Variants in TMEM132B observed in about 807,000 individuals in gnomAD.
TMEM132B encodes transmembrane protein 132B.
In TMEM132B, 18 loss-of-function variants were observed where a neutral mutation model predicts 90.8. The observed-to-expected ratio is 0.20, with a 90% CI of 0.14 to 0.29. TMEM132B has a LOEUF of 0.29. Among genes scored for constraint, TMEM132B ranks in the 10% least tolerant of loss-of-function variants. TMEM132B has a pLI of 1.00. For synonymous variants in TMEM132B, 504 were observed against 523.3 expected, an observed-to-expected ratio of 0.96 and a Z score of 0.50; for missense variants, 1,096 against 1,326.8, an observed-to-expected ratio of 0.83 and a Z score of 2.70.
intron 1 of TMEM132B, among the ~76,000 whole-genome samples, chr12:125,324,663 G>C (rs1424847742): frequency 6.6e-6 from 1 of 152,164 alleles, no homozygotes; most frequent in Non-Finnish European, 1.5e-5. Flanking sequence ...CTGTGCATGC[G>C]AGGGACCTAG....
At chr12:125,636,502 G>A (rs937599073) in intron 5 of TMEM132B, among the ~76,000 whole-genome samples, 2 of 152,160 alleles carry the variant, frequency 1.3e-5, no homozygotes, top group African/African-American at 2.4e-5. Context: ...TTCTGATTAA[G>A]CATTAGGCTT....
intron 1 of TMEM132B, among the ~76,000 whole-genome samples, chr12:125,306,193 A>G (rs1294702092): frequency 3.9e-5 from 6 of 152,268 alleles, no homozygotes; most frequent in East Asian, 1.9e-4. Flanking sequence ...TAATTTTCCA[A>G]CCATGACTGG....
At chr12:125,387,937 A>C (rs1878891236) in intron 2 of TMEM132B, among the ~76,000 whole-genome samples, 2 of 152,216 alleles carry the variant, frequency 1.3e-5, no homozygotes, top group Admixed American at 1.3e-4. Flanking sequence ...TGGAATGATC[A>C]GAGTCTTTGA....
At chr12:125,229,052 C>T (rs1049046017) in intron 1 of TMEM132B, among the ~76,000 whole-genome samples, 2 of 152,188 alleles carry the variant, frequency 1.3e-5, no homozygotes, top group African/African-American at 4.8e-5. Context: ...GCCAGCACAC[C>T]GAGGAGGGCA....
chr12:125,651,533 A>C (rs892599157), intron 7 of TMEM132B, among the ~76,000 whole-genome samples: 10 of 152,222 alleles, frequency 6.6e-5, no homozygotes, highest in Admixed American at 5.2e-4. Flanking sequence ...ACTAAGTCAG[A>C]TTTTATTGTA....
chr12:125,614,731 A>C (rs987799103), intron 5 of TMEM132B, among the ~76,000 whole-genome samples: 1 of 152,172 alleles, frequency 6.6e-6, no homozygotes, highest in African/African-American at 2.4e-5. Flanking sequence ...AAAGAACTTA[A>C]AACAGAGCTA....
rs181426554 is a variant in TMEM132B at position 125,509,014 on chromosome 12, C to A, written c.1107-10425C>A. ...GCCCAGGCTGGTCTGGAACTCCTGG[C>A]CTTAAGTGACCCTCCCGCCTCGGCC... On this transcript the variant is annotated intron_variant, in intron 3 of 8. Transcript: ENST00000682704. Among the ~76,000 whole-genome samples the A allele has an allele frequency of 1.4e-4, 21 of 151,992 alleles. No individual in the cohort carries two copies. In the South Asian group the frequency reaches 2.5e-3, roughly 18 times the overall value.
In TMEM132B at chr12:125,415,775, C is replaced by G; in HGVS notation, c.1106+98C>G. 7.1e-7 allele frequency: 1 copy of G among 1,404,084 alleles called. No homozygotes were observed. Among genetic ancestry groups the G allele is most frequent in the Non-Finnish European group, 9.4e-7 (1 of 1,059,816 alleles). 87.0% of individuals were successfully genotyped at this position (1,404,084 alleles called of 1,614,324 possible). ...TAATGTGCGTGTGGATAAAGCGATG[C>G]CTCTGCGTTTAATGAGAAATGATTT... On this transcript the variant is annotated intron_variant, in intron 3 of 8. Coordinates refer to ENST00000682704, the MANE Select transcript of TMEM132B (RefSeq NM_001366854.1). This position sits in a 1 kb window ranked among gnomAD's most constrained non-coding sequence, Gnocchi z 5.3.
intron 2 of TMEM132B, among the ~76,000 whole-genome samples, chr12:125,382,241 A>G (rs527970598): frequency 6.6e-6 from 1 of 152,370 alleles, no homozygotes; most frequent in Non-Finnish European, 1.5e-5. Flanking sequence ...AAGTGCAGAC[A>G]AAAGTAGGAT....
At chr12:125,239,764 C>T (rs1874024036) in intron 1 of TMEM132B, among the ~76,000 whole-genome samples, 2 of 152,332 alleles carry the variant, frequency 1.3e-5, no homozygotes, top group South Asian at 4.1e-4. Flanking sequence ...AGGTGCCCGG[C>T]TTTCGCGAGA....
intron 3 of TMEM132B, among the ~76,000 whole-genome samples, chr12:125,513,576 C>T (rs568595718): frequency 6.6e-6 from 1 of 152,178 alleles, no homozygotes; most frequent in Admixed American, 6.5e-5. Context: ...TTGTTTAGCA[C>T]CTTGTGTTCA....
chr12:125,607,568 A>G lies in TMEM132B; in HGVS notation c.1437+23574A>G, dbSNP rs143876727. On this transcript the variant is annotated intron_variant, in intron 5 of 8. Transcript: ENST00000682704. ...ATGTGGGGACTCAAAGCATAGAGGT[A>G]TCCTCAGACCAAATTTAGTTTAACA... Among the ~76,000 whole-genome samples the G allele has an allele frequency of 4.2e-3, 634 of 152,356 alleles. 3 individuals carry two copies. The highest frequency in any genetic ancestry group is 0.013 in the African/African-American group (526 of 41,578).
chr12:125,477,096 A>C (rs923740266), intron 3 of TMEM132B, among the ~76,000 whole-genome samples: 1 of 152,196 alleles, frequency 6.6e-6, no homozygotes, highest in African/African-American at 2.4e-5. Flanking sequence ...ATTCTGATTT[A>C]ATACCAGTTC....
chr12:125,340,877 A>G (rs1183142267), intron 1 of TMEM132B, among the ~76,000 whole-genome samples: 1 of 152,250 alleles, frequency 6.6e-6, no homozygotes, highest in Admixed American at 6.5e-5. Flanking sequence ...GGAGCCCACC[A>G]GAGGAGGCAT....
At chr12:125,357,943 C>A (rs555444104) in intron 2 of TMEM132B, among the ~76,000 whole-genome samples, 162 of 152,344 alleles carry the variant, frequency 1.1e-3, no homozygotes, top group African/African-American at 3.7e-3. Context: ...CTCCCCCATC[C>A]CTGGGTTGGA....
At chr12:125,528,651 A>G (rs960902911) in intron 4 of TMEM132B, among the ~76,000 whole-genome samples, 4 of 152,342 alleles carry the variant, frequency 2.6e-5, no homozygotes, top group Middle Eastern at 3.4e-3. Flanking sequence ...TGACCTTTGA[A>G]CAATGCAGGC....
intron 2 of TMEM132B, among the ~76,000 whole-genome samples, chr12:125,391,069 G>A (rs909987364): frequency 6.7e-6 from 1 of 149,440 alleles, no homozygotes; most frequent in Admixed American, 6.6e-5. Flanking sequence ...GTGTGTGTGT[G>A]TGTGTCTCAC....
At chr12:125,227,325 G>A (rs1873706023) in intron 1 of TMEM132B, among the ~76,000 whole-genome samples, 2 of 152,174 alleles carry the variant, frequency 1.3e-5, no homozygotes, top group Admixed American at 1.3e-4. Context: ...AAAACCCCAC[G>A]AGAAAGGCAC....
At chr12:125,488,871 A>G (rs1197479590) in intron 3 of TMEM132B, among the ~76,000 whole-genome samples, 1 of 152,230 alleles carries the variant, frequency 6.6e-6, no homozygotes, top group African/African-American at 2.4e-5. Flanking sequence ...GAGGTGCTTC[A>G]TGACAAAGAG....
Sources: gnomAD v4.1 joint callset for allele counts (sites outside exome capture counted in the v4.1 genomes callset) on GRCh38, gnomAD v4.1.1 for gene constraint, Gnocchi (gnomAD v3.1) non-coding constraint, MANE v1.5 for transcripts, NCBI Gene and HGNC (gene_info 2026-07-23, HGNC 2026-07-21) for gene names.